GPM6A: variants seen among roughly 807,000 people sequenced by gnomAD.
The protein encoded by GPM6A is glycoprotein M6A.
In GPM6A, 7 loss-of-function variants were observed where a neutral mutation model predicts 32.1. That is an observed-to-expected ratio of 0.22 (90% CI 0.12 to 0.41). The LOEUF (loss-of-function observed/expected upper bound fraction) is 0.41, where lower values mean the gene tolerates loss of function less well. GPM6A is among the 10% of genes least tolerant of loss of function. GPM6A has a pLI of 1.00. For synonymous variants in GPM6A, 130 were observed against 123.4 expected (o/e 1.05, Z -0.35); for missense variants, 235 against 347.2 (o/e 0.68, Z 2.57).
chr4:175,986,200 C>G (rs1051394832), intron 1 of GPM6A, among the ~76,000 whole-genome samples: 1 of 152,108 alleles, frequency 6.6e-6, no homozygotes, highest in African/African-American at 2.4e-5. Flanking sequence ...CTTTAACCAT[C>G]CCTCCATTCC....
At chr4:175,766,875 G>C (rs1420871337) in intron 1 of GPM6A, among the ~76,000 whole-genome samples, 1 of 151,968 alleles carries the variant, frequency 6.6e-6, no homozygotes, top group African/African-American at 2.4e-5. Context: ...GGCTGGTCTT[G>C]AACTCCTGAC....
chr4:175,797,336 A>G (rs17062044), intron 1 of GPM6A, among the ~76,000 whole-genome samples: 88,097 of 151,912 alleles, frequency 0.58, 25,690 homozygotes, highest in Non-Finnish European at 0.59. Context: ...TGGGGCTTTC[A>G]TAATCTTGTT....
At chr4:175,648,195 T>C (rs1334216394) in intron 4 of GPM6A, among the ~76,000 whole-genome samples, 1 of 152,068 alleles carries the variant, frequency 6.6e-6, no homozygotes, top group Non-Finnish European at 1.5e-5. Flanking sequence ...GATGCCATAA[T>C]GGGATGAAAC....
chr4:175,756,320 A>G (rs1306048986), intron 1 of GPM6A, among the ~76,000 whole-genome samples: 2 of 152,134 alleles, frequency 1.3e-5, no homozygotes, highest in African/African-American at 4.8e-5. Context: ...TGATGGAAAG[A>G]ATGGTGAAAA....
At chr4:175,678,647 T>C (rs573172230) in intron 2 of GPM6A, among the ~76,000 whole-genome samples, 3 of 152,292 alleles carry the variant, frequency 2.0e-5, no homozygotes, top group Non-Finnish European at 2.9e-5. Context: ...TGCAGAAATC[T>C]ATTTGTCAAA....
chr4:175,827,731 C>T (rs1346377442), intron 1 of GPM6A, among the ~76,000 whole-genome samples: 3 of 152,154 alleles, frequency 2.0e-5, no homozygotes, highest in Non-Finnish European at 4.4e-5. Context: ...CTCAGCCAGC[C>T]CTGTTCATCC....
chr4:175,805,181 G>A lies in GPM6A; in HGVS notation c.37+7010C>T, dbSNP rs552145152. The stretch of plus-strand genomic sequence containing the variant: ...GTTTTGGGGGGAAGGTAATTTGGCC[G>A]TGTACTAGTTCTTTATTTGAATTAT... On this transcript the variant is annotated intron_variant, in intron 1 of 6. Transcript: ENST00000393658. 1.4e-4 allele frequency among the ~76,000 whole-genome samples: 21 copies of A among 150,976 alleles called. No individual in the cohort carries two copies. The South Asian group carries it at 3.3e-3, about 24-fold the overall frequency.
At chr4:175,882,084 A>C (rs185119321) in intron 1 of GPM6A, among the ~76,000 whole-genome samples, 1 of 152,150 alleles carries the variant, frequency 6.6e-6, no homozygotes, top group Admixed American at 6.5e-5. Flanking sequence ...TTTGTTATGC[A>C]TTTGTTTGTC....
intron 1 of GPM6A, among the ~76,000 whole-genome samples, chr4:175,978,327 A>G (rs1306595736): frequency 2.6e-5 from 4 of 152,160 alleles, no homozygotes; most frequent in Non-Finnish European, 5.9e-5. Flanking sequence ...GAACTCACTA[A>G]CTATCATGAG....
At chr4:175,757,361 C>T (rs565948310) in intron 1 of GPM6A, among the ~76,000 whole-genome samples, 97 of 152,276 alleles carry the variant, frequency 6.4e-4, no homozygotes, top group African/African-American at 2.2e-3. Flanking sequence ...CCACCATTCA[C>T]ATTTTATTTC....
intron 1 of GPM6A, among the ~76,000 whole-genome samples, chr4:175,772,650 G>A (rs894242712): frequency 6.6e-6 from 1 of 152,050 alleles, no homozygotes; most frequent in African/African-American, 2.4e-5. Context: ...AAAAGGAAAG[G>A]CAGAGACATC....
At chr4:175,860,082 A>G (rs1403828603) in intron 1 of GPM6A, among the ~76,000 whole-genome samples, 1 of 152,010 alleles carries the variant, frequency 6.6e-6, no homozygotes, top group Non-Finnish European at 1.5e-5. Context: ...TTAAATTCAT[A>G]TATTAAAAAA....
At chr4:175,894,517 A>G (rs1737739681) in intron 1 of GPM6A, among the ~76,000 whole-genome samples, 1 of 152,132 alleles carries the variant, frequency 6.6e-6, no homozygotes, top group Non-Finnish European at 1.5e-5. Flanking sequence ...AAAGAAAGAG[A>G]TTTTTATGCA....
chr4:175,636,666 C>T (rs1173438959), intron 6 of GPM6A, among the ~76,000 whole-genome samples: 4 of 150,616 alleles, frequency 2.7e-5, no homozygotes, highest in African/African-American at 4.9e-5. Context: ...TGTGGTGCCA[C>T]GTGCCTGTAA....
chr4:175,998,898 C>A (rs1741392090), intron 1 of GPM6A, among the ~76,000 whole-genome samples: 1 of 151,956 alleles, frequency 6.6e-6, no homozygotes, highest in South Asian at 2.1e-4. Context: ...TCCATGACAC[C>A]CTACCTCCTA....
chr4:175,943,886 C>T (rs1343783802), intron 1 of GPM6A, among the ~76,000 whole-genome samples: 3 of 152,060 alleles, frequency 2.0e-5, no homozygotes, highest in Non-Finnish European at 2.9e-5. Flanking sequence ...AGGATGATGC[C>T]GGCCTCATAA....
chr4:175,692,272 TG>T (rs1282048516), intron 2 of GPM6A, among the ~76,000 whole-genome samples: 9 of 152,172 alleles, frequency 5.9e-5, no homozygotes, highest in African/African-American at 1.9e-4. Context: ...AAAAAATTAA[TG>T]TACATATGGT....
chr4:175,833,336 C>T (rs1488471421), intron 1 of GPM6A, among the ~76,000 whole-genome samples: 1 of 152,120 alleles, frequency 6.6e-6, no homozygotes, highest in Admixed American at 6.6e-5. Flanking sequence ...AAGGTGGACC[C>T]TTTGTCCCAG....
intron 1 of GPM6A, among the ~76,000 whole-genome samples, chr4:175,904,759 T>C (rs1738078215): frequency 6.6e-6 from 1 of 152,190 alleles, no homozygotes; most frequent in Non-Finnish European, 1.5e-5. Context: ...TTTTGTCTAA[T>C]CTTGGGCTTA....
Sources: gnomAD v4.1 joint callset for allele counts (sites outside exome capture counted in the v4.1 genomes callset) on GRCh38, gnomAD v4.1.1 for gene constraint, MANE v1.5 for transcripts, NCBI Gene and HGNC (gene_info 2026-07-23, HGNC 2026-07-21) for gene names.